RSU1: variants seen among roughly 807,000 people sequenced by gnomAD.
RSU1 encodes the protein Ras suppressor protein 1.
RSU1 carries 26 observed loss-of-function variants against 31.1 expected under a neutral mutation model. That is an observed-to-expected ratio of 0.84 (90% CI 0.61 to 1.16). The LOEUF (loss-of-function observed/expected upper bound fraction) is 1.16, where lower values mean the gene tolerates loss of function less well. Among genes scored for constraint, RSU1 ranks in the 50% most tolerant of loss-of-function variants. The probability of loss-of-function intolerance (pLI) is 0.00; values close to 1 mark genes in which losing one functional copy is unlikely to be tolerated. For missense variants in RSU1, 320 were observed against 339.1 expected (o/e 0.94, Z 0.44); for synonymous variants, 164 against 136.3 (o/e 1.20, Z -1.41).
chr10:16,678,980 G>T (rs1184408309), intron 8 of RSU1, among the ~76,000 whole-genome samples: 1 of 151,740 alleles, frequency 6.6e-6, no homozygotes, highest in Admixed American at 6.6e-5. Context: ...AACATAATTA[G>T]TTTATTGGTT....
At chr10:16,800,106 C>T (rs77873508) in intron 2 of RSU1, among the ~76,000 whole-genome samples, 1 of 152,020 alleles carries the variant, frequency 6.6e-6, no homozygotes, top group African/African-American at 2.4e-5. Context: ...CCTCTGACAC[C>T]CAAAGCTACA....
chr10:16,701,404 G>C (rs1835790239), intron 7 of RSU1, among the ~76,000 whole-genome samples: 1 of 152,214 alleles, frequency 6.6e-6, no homozygotes, highest in South Asian at 2.1e-4. Context: ...CGCAATGTAA[G>C]CTGGGATGTC....
chr10:16,666,806 G>A (rs986789992), intron 8 of RSU1, among the ~76,000 whole-genome samples: 1 of 152,028 alleles, frequency 6.6e-6, no homozygotes, highest in Admixed American at 6.6e-5. Flanking sequence ...TGGCCAGCAT[G>A]GTGAAACCTC....
rs1162336674 is a variant in RSU1 at position 16,609,947 on chromosome 10, C to T, written c.732-16451G>A. 2.0e-5 allele frequency among the ~76,000 whole-genome samples: 3 copies of T among 152,074 alleles called. No individual in the cohort carries two copies. In the East Asian group the frequency reaches 5.8e-4, roughly 29 times the overall value. ...GCGCTGTCCAAAATATAATTTGAGC[C>T]ATGAATGTAGCTTTAAATTTTCTCA... On this transcript the variant is annotated intron_variant, in intron 8 of 8. Transcript: ENST00000345264.
chr10:16,806,848 G>A (rs1296727747), intron 2 of RSU1, among the ~76,000 whole-genome samples: 1 of 152,146 alleles, frequency 6.6e-6, no homozygotes, highest in East Asian at 1.9e-4. Context: ...CTACCTCCCA[G>A]GTTCAAGTGA....
At position 16,755,403 on chromosome 10, in the gene RSU1, G is replaced by A. The variant is rs576537395; in HGVS notation, c.282-414C>T. 3.3e-5 allele frequency among the ~76,000 whole-genome samples: 5 copies of A among 151,388 alleles called. No homozygotes were observed. In the East Asian group the frequency reaches 7.8e-4, roughly 23 times the overall value. ...CTCCCAGAATGCTGGGATTACAGGC[G>A]TGAGCCCCCATGCCCATCCTTTTTT... On this transcript the variant is annotated intron_variant, in intron 4 of 8. Transcript: ENST00000345264.
At chr10:16,727,869 G>A (rs935869142) in intron 7 of RSU1, among the ~76,000 whole-genome samples, 2 of 152,178 alleles carry the variant, frequency 1.3e-5, no homozygotes, top group African/African-American at 4.8e-5. Flanking sequence ...GCCAGGCTGT[G>A]GGTAGCCGTG....
chr10:16,787,688 G>A (rs561249278), intron 2 of RSU1, among the ~76,000 whole-genome samples: 4 of 152,152 alleles, frequency 2.6e-5, no homozygotes, highest in South Asian at 4.1e-4. Context: ...CCCTGCACAC[G>A]CTCTCTTACC....
chr10:16,721,207 A>C (rs1423694360), intron 7 of RSU1: 1 of 152,216 alleles, frequency 6.6e-6, no homozygotes, highest in Non-Finnish European at 1.5e-5. Flanking sequence ...TAGAGAGAAC[A>C]GTGAAGAGGC....
At chr10:16,759,548 A>T (rs1837165409) in intron 4 of RSU1, among the ~76,000 whole-genome samples, 1 of 152,190 alleles carries the variant, frequency 6.6e-6, no homozygotes, top group African/African-American at 2.4e-5. Context: ...CAAATATCCA[A>T]CAAGGGACTT....
chr10:16,807,725 G>A (rs552519571), intron 2 of RSU1, among the ~76,000 whole-genome samples: 1 of 152,150 alleles, frequency 6.6e-6, no homozygotes, highest in Non-Finnish European at 1.5e-5. Flanking sequence ...TTAACACAGT[G>A]TTTTAAAGAA....
intron 8 of RSU1, among the ~76,000 whole-genome samples, chr10:16,648,024 C>A (rs184390578): frequency 1.3e-3 from 202 of 151,990 alleles, no homozygotes; most frequent in African/African-American, 4.8e-3. Context: ...TCAGGGCTCA[C>A]TGCAGCCTTG....
At chr10:16,807,043 G>A (rs1838286804) in intron 2 of RSU1, among the ~76,000 whole-genome samples, 1 of 152,222 alleles carries the variant, frequency 6.6e-6, no homozygotes, top group South Asian at 2.1e-4. Flanking sequence ...CAGCAGGCAT[G>A]AGTCAGGCTG....
chr10:16,624,886 C>A (rs1463419948), intron 8 of RSU1, among the ~76,000 whole-genome samples: 1 of 152,008 alleles, frequency 6.6e-6, no homozygotes, highest in East Asian at 1.9e-4. Flanking sequence ...AGAAATATAC[C>A]ATGAAACTGA....
intron 7 of RSU1, among the ~76,000 whole-genome samples, chr10:16,734,460 G>C (rs1031214738): frequency 1.3e-5 from 2 of 152,184 alleles, no homozygotes; most frequent in Non-Finnish European, 2.9e-5. Flanking sequence ...ATGAATATTT[G>C]GGGCGGGAAT....
At chr10:16,597,188 G>T (rs781143803) in intron 8 of RSU1, among the ~76,000 whole-genome samples, 2 of 152,250 alleles carry the variant, frequency 1.3e-5, no homozygotes, top group Non-Finnish European at 2.9e-5. Flanking sequence ...TTCGAGTCAA[G>T]TGTTGAATGC....
intron 2 of RSU1, among the ~76,000 whole-genome samples, chr10:16,807,786 G>A: frequency 6.6e-6 from 1 of 152,140 alleles, no homozygotes; most frequent in East Asian, 1.9e-4. Context: ...CACTTTGGGA[G>A]GCTGAGGCAG....
intron 7 of RSU1, among the ~76,000 whole-genome samples, chr10:16,699,702 G>T (rs1835749055): frequency 2.0e-5 from 3 of 152,200 alleles, no homozygotes; most frequent in Admixed American, 2.0e-4. Flanking sequence ...CTAGAAAGTG[G>T]TGCATCTACA....
At chr10:16,667,890 G>C (rs1462778254) in intron 8 of RSU1, among the ~76,000 whole-genome samples, 1 of 152,096 alleles carries the variant, frequency 6.6e-6, no homozygotes, top group East Asian at 1.9e-4. Flanking sequence ...GAATCAAAAA[G>C]ATACGTAATC....
Sources: allele counts gnomAD v4.1 joint callset (sites outside exome capture counted in the v4.1 genomes callset), GRCh38; gene constraint gnomAD v4.1.1; transcripts MANE v1.5; gene names NCBI Gene and HGNC (gene_info 2026-07-23, HGNC 2026-07-21).